The following TAFA5 variants were observed in gnomAD, a reference collection of about 807,000 sequenced individuals.
The protein encoded by TAFA5 is TAFA chemokine like family member 5.
TAFA5 carries 6 observed loss-of-function variants against 15.3 expected under a neutral mutation model. The ratio of observed to expected loss-of-function variants is 0.39; its 90% CI spans 0.21 to 0.77. The LOEUF (loss-of-function observed/expected upper bound fraction) is 0.77, where lower values mean the gene tolerates loss of function less well. Ranked by LOEUF, TAFA5 falls within the 30% of genes least tolerant of loss-of-function variation. TAFA5 has a pLI of 0.41. For missense variants in TAFA5, 161 were observed against 193.1 expected, an observed-to-expected ratio of 0.83 and a Z score of 0.98; for synonymous variants, 103 against 80.7, an observed-to-expected ratio of 1.28 and a Z score of -1.48.
intron 1 of TAFA5, among the ~76,000 whole-genome samples, chr22:48,491,559 C>G (rs1383116438): frequency 1.3e-5 from 2 of 152,228 alleles, no homozygotes; most frequent in South Asian, 4.1e-4. Context: ...CTAATTGTTG[C>G]GAAGTACTTG....
intron 1 of TAFA5, among the ~76,000 whole-genome samples, chr22:48,529,688 C>A (rs373475797): frequency 6.7e-6 from 1 of 149,958 alleles, no homozygotes; most frequent in East Asian, 2.0e-4. Context: ...ATGGGGGTGT[C>A]CAGGTGGGAT....
chr22:48,641,772 A>T (rs1037729241), intron 1 of TAFA5, among the ~76,000 whole-genome samples: 1 of 152,104 alleles, frequency 6.6e-6, no homozygotes, highest in African/African-American at 2.4e-5. Context: ...GCAAGGTCCC[A>T]TGTCCTCTCA....
At chr22:48,616,636 C>T (rs952752324) in intron 1 of TAFA5, among the ~76,000 whole-genome samples, 22 of 152,224 alleles carry the variant, frequency 1.4e-4, no homozygotes, top group African/African-American at 4.3e-4. Context: ...TCGCTGAGGC[C>T]GGATGGGCTG....
intron 3 of TAFA5, among the ~76,000 whole-genome samples, chr22:48,747,323 G>A (rs953907159): frequency 1.3e-5 from 2 of 152,178 alleles, no homozygotes; most frequent in African/African-American, 2.4e-5. Context: ...AGCCCTTCTC[G>A]TGGACCTGGC....
intron 3 of TAFA5, among the ~76,000 whole-genome samples, chr22:48,744,305 G>A (rs555513592): frequency 3.3e-5 from 5 of 152,238 alleles, no homozygotes; most frequent in Non-Finnish European, 7.3e-5. Context: ...CTCCAAGGTG[G>A]GGGCCACAGA....
chr22:48,661,431 C>T (rs1045555786), intron 2 of TAFA5, among the ~76,000 whole-genome samples: 3 of 152,240 alleles, frequency 2.0e-5, no homozygotes, highest in African/African-American at 7.2e-5. Context: ...ACTGGAGGCT[C>T]TTTCCTCCTG....
intron 3 of TAFA5, among the ~76,000 whole-genome samples, chr22:48,743,174 G>A (rs926150903): frequency 4.6e-5 from 7 of 152,114 alleles, no homozygotes; most frequent in Non-Finnish European, 1.0e-4. Context: ...GCTCCCGCAG[G>A]AGGCAGCAGC....
intron 1 of TAFA5, among the ~76,000 whole-genome samples, chr22:48,625,351 C>G (rs1287393262): frequency 2.0e-5 from 3 of 152,210 alleles, no homozygotes; most frequent in Non-Finnish European, 4.4e-5. Flanking sequence ...ACTCTGATCA[C>G]CACCCCGTGG....
At chr22:48,528,683 A>G (rs1423433572) in intron 1 of TAFA5, among the ~76,000 whole-genome samples, 2 of 152,212 alleles carry the variant, frequency 1.3e-5, no homozygotes, top group African/African-American at 2.4e-5. Flanking sequence ...TAGTGTGAGT[A>G]TGATTGCAGG....
chr22:48,609,502 G>T (rs981016806), intron 1 of TAFA5, among the ~76,000 whole-genome samples: 4 of 152,210 alleles, frequency 2.6e-5, no homozygotes, highest in African/African-American at 9.6e-5. Flanking sequence ...GAGCCAGGAG[G>T]AGTGGGGTTG....
chr22:48,651,254 G>C (rs1017927005), intron 2 of TAFA5, among the ~76,000 whole-genome samples: 1 of 152,198 alleles, frequency 6.6e-6, no homozygotes, highest in Non-Finnish European at 1.5e-5. Flanking sequence ...GGTCGTGGGC[G>C]GGGGCAGTTT....
intron 1 of TAFA5, among the ~76,000 whole-genome samples, chr22:48,621,784 GAGT>G (rs1318046617): frequency 1.3e-5 from 2 of 152,170 alleles, no homozygotes; most frequent in African/African-American, 4.8e-5. Context: ...TCGAGGTGGG[GAGT>G]GGTGGCCGAG....
intron 1 of TAFA5, among the ~76,000 whole-genome samples, chr22:48,619,340 C>T (rs1483750408): frequency 6.6e-6 from 1 of 151,428 alleles, no homozygotes; most frequent in East Asian, 1.9e-4. Flanking sequence ...GCACATGGAC[C>T]AGTGATTGAT....
At chr22:48,740,815 C>T (rs1374053916) in intron 3 of TAFA5, among the ~76,000 whole-genome samples, 1 of 152,178 alleles carries the variant, frequency 6.6e-6, no homozygotes, top group South Asian at 2.1e-4. Context: ...CCCCGGCAGG[C>T]CTCACAATTG....
chr22:48,716,003 G>T (rs1189439767), intron 3 of TAFA5, among the ~76,000 whole-genome samples: 1 of 152,258 alleles, frequency 6.6e-6, no homozygotes, highest in Non-Finnish European at 1.5e-5. Context: ...ATAAAACAGG[G>T]AATCCTTTCC....
At chr22:48,650,785 A>G (rs1455482437) in intron 2 of TAFA5, among the ~76,000 whole-genome samples, 3 of 151,212 alleles carry the variant, frequency 2.0e-5, no homozygotes, top group East Asian at 3.9e-4. Flanking sequence ...CCTTACACAC[A>G]GTATCAGCCA....
At chr22:48,686,899 A>ATGG (rs1928374152) in intron 2 of TAFA5, among the ~76,000 whole-genome samples, 1 of 136,246 alleles carries the variant, frequency 7.3e-6, no homozygotes, top group Admixed American at 7.2e-5. Context: ...TTGATGGTTG[A>ATGG]ATGGATGGAT....
chr22:48,618,140 T>C (rs574623555), intron 1 of TAFA5, among the ~76,000 whole-genome samples: 82 of 152,264 alleles, frequency 5.4e-4, no homozygotes, highest in African/African-American at 1.6e-3. Flanking sequence ...TCTTTCAGGA[T>C]TGTGGGTGCA....
Position 48,569,736 on chromosome 22 carries a change from G to A in TAFA5, c.113-76861G>A, listed in dbSNP as rs1394234315. ...TGACCTGACCCACGTGCATCCCGGG[G>A]GGTGGCCTCCCGCAGGCCTTGCTTG... On this transcript the variant is annotated intron_variant, in intron 1 of 3. Coordinates refer to ENST00000402357, the MANE Select transcript of TAFA5 (RefSeq NM_001082967.3). 5.9e-5 allele frequency among the ~76,000 whole-genome samples: 9 copies of A among 152,350 alleles called. No homozygotes were observed. The East Asian group carries it at 1.7e-3, about 29-fold the overall frequency.
Sources: gnomAD v4.1 joint callset for allele counts (sites outside exome capture counted in the v4.1 genomes callset) on GRCh38, gnomAD v4.1.1 for gene constraint, MANE v1.5 for transcripts, NCBI Gene and HGNC (gene_info 2026-07-23, HGNC 2026-07-21) for gene names.